Variants in AKT3 observed in about 807,000 individuals in gnomAD.
AKT3 encodes RAC-gamma serine/threonine-protein kinase.
Under a neutral mutation model 65.3 loss-of-function variants are expected in AKT3, and 15 were observed. That is an observed-to-expected ratio of 0.23 (90% CI 0.15 to 0.35). The LOEUF is 0.35. Among genes scored for constraint, AKT3 ranks in the 10% least tolerant of loss-of-function variants. The probability of loss-of-function intolerance (pLI) is 1.00; values close to 1 mark genes in which losing one functional copy is unlikely to be tolerated. For synonymous variants in AKT3, 206 were observed against 183.8 expected (o/e 1.12, Z -0.98); for missense variants, 243 against 576.5 (o/e 0.42, Z 5.92).
chr1:243,632,368 A>G lies in AKT3; in HGVS notation c.561+5243T>C, dbSNP rs147922713. Among the ~76,000 whole-genome samples, 305 of 152,330 alleles carry G rather than the reference A, an allele frequency of 2.0e-3. 4 individuals are homozygous for G. The East Asian group carries it at 0.031, about 15-fold the overall frequency. On this transcript the variant is annotated intron_variant, in intron 6 of 13. Coordinates refer to ENST00000673466, the MANE Select transcript of AKT3 (RefSeq NM_005465.7). ...CTTTTGTATATCTGGTGCATTGTCAATGAGCAGTAATATTTAAAAAGTAAT... is the reference window on the plus strand; with the variant it reads ...CTTTTGTATATCTGGTGCATTGTCAGTGAGCAGTAATATTTAAAAAGTAAT...
At chr1:243,826,125 T>A (rs1694151346) in intron 2 of AKT3, among the ~76,000 whole-genome samples, 1 of 151,198 alleles carries the variant, frequency 6.6e-6, no homozygotes, top group Non-Finnish European at 1.5e-5. Context: ...GAGTGAGACT[T>A]CATCTCAAAA....
chr1:243,844,194 C>G (rs1247775717), intron 1 of AKT3, among the ~76,000 whole-genome samples: 14 of 152,074 alleles, frequency 9.2e-5, no homozygotes. Flanking sequence ...TCTTTATAAC[C>G]TTATGAGGAT....
intron 2 of AKT3, among the ~76,000 whole-genome samples, chr1:243,760,669 C>T (rs1408139792): frequency 6.6e-6 from 1 of 152,106 alleles, no homozygotes. Flanking sequence ...TCCTTCAGCT[C>T]TCCTATTACA....
chr1:243,810,488 T>G (rs1268559185), intron 2 of AKT3, among the ~76,000 whole-genome samples: 1 of 152,112 alleles, frequency 6.6e-6, no homozygotes, highest in African/African-American at 2.4e-5. Context: ...AGAAGTTGAA[T>G]CTCTGAAAGG....
chr1:243,677,295 C>T (rs1295869258), intron 3 of AKT3, among the ~76,000 whole-genome samples: 2 of 152,082 alleles, frequency 1.3e-5, no homozygotes, highest in African/African-American at 4.8e-5. Context: ...TATTTGTATC[C>T]CATATGGTGG....
intron 2 of AKT3, among the ~76,000 whole-genome samples, chr1:243,809,375 C>G (rs1049525756): frequency 6.6e-6 from 1 of 151,998 alleles, no homozygotes; most frequent in African/African-American, 2.4e-5. Context: ...AAGGCAAGGG[C>G]TGCAATCCTA....
intron 2 of AKT3, among the ~76,000 whole-genome samples, chr1:243,738,973 A>G (rs934201497): frequency 2.6e-5 from 4 of 152,104 alleles, no homozygotes; most frequent in African/African-American, 9.7e-5. Context: ...TTCCTTCTTT[A>G]TAACGAATTC....
chr1:243,657,947 C>G (rs555453579), intron 4 of AKT3, among the ~76,000 whole-genome samples: 15 of 151,982 alleles, frequency 9.9e-5, no homozygotes, highest in Admixed American at 8.5e-4. Context: ...AAAAGTGGAG[C>G]CTTATTTTAC....
chr1:243,815,346 T>C (rs1010298416), intron 2 of AKT3, among the ~76,000 whole-genome samples: 1 of 152,088 alleles, frequency 6.6e-6, no homozygotes, highest in Non-Finnish European at 1.5e-5. Flanking sequence ...CATGACAGAG[T>C]TGCTAAACTT....
At chr1:243,493,841 A>G (rs1667172872) in intron 13 of AKT3, among the ~76,000 whole-genome samples, 1 of 151,930 alleles carries the variant, frequency 6.6e-6, no homozygotes, top group Non-Finnish European at 1.5e-5. Context: ...ACAGAGACAC[A>G]GAAGATGATG....
intron 4 of AKT3, among the ~76,000 whole-genome samples, chr1:243,657,067 T>C (rs868365919): frequency 1.3e-5 from 2 of 152,150 alleles, no homozygotes; most frequent in Non-Finnish European, 2.9e-5. Context: ...AAAGAATAAA[T>C]GTTTTGGGTT....
chr1:243,491,277 A>T (rs1666347990), intron 13 of AKT3, among the ~76,000 whole-genome samples: 1 of 152,190 alleles, frequency 6.6e-6, no homozygotes, highest in Non-Finnish European at 1.5e-5. Context: ...CATTAAAAAA[A>T]CCCCAAACCT....
intron 9 of AKT3, among the ~76,000 whole-genome samples, chr1:243,566,431 G>C (rs1674161036): frequency 6.6e-6 from 1 of 152,106 alleles, no homozygotes; most frequent in Non-Finnish European, 1.5e-5. Context: ...AAGACAGCTG[G>C]TTACCCTACT....
At chr1:243,676,392 A>G (rs1349691270) in intron 3 of AKT3, among the ~76,000 whole-genome samples, 2 of 152,172 alleles carry the variant, frequency 1.3e-5, no homozygotes, top group African/African-American at 2.4e-5. Flanking sequence ...AAGATCTTCA[A>G]TGAGTTGGTA....
At chr1:243,767,010 A>C (rs1428303590) in intron 2 of AKT3, among the ~76,000 whole-genome samples, 1 of 152,150 alleles carries the variant, frequency 6.6e-6, no homozygotes, top group African/African-American at 2.4e-5. Flanking sequence ...TACAACACTA[A>C]AGAGAAGTTC....
At position 243,501,855 on chromosome 1, in the gene AKT3, A is replaced by G. The variant is rs929645939; in HGVS notation, c.*3394T>C. The G allele has an allele frequency of 2.1e-5, 5 of 232,714 alleles. No homozygotes were observed. In the Admixed American group the frequency reaches 2.8e-4, roughly 13 times the overall value. The allele number at this position is 232,714 out of a possible 1,614,324, so 14.4% of individuals were successfully genotyped here. A position where few individuals can be genotyped will look rare whatever the true frequency, so the allele number is the denominator to read the frequency against. ...ATACGTGTAAAAATACTAAGGATGT[A>G]CAGTGTACAAAAACAGTTTCTCCTA... On this transcript the variant is annotated 3_prime_UTR_variant, in exon 14 of 14. Transcript: ENST00000673466.
At chr1:243,651,932 G>C (rs1012884765) in intron 4 of AKT3, among the ~76,000 whole-genome samples, 2 of 152,102 alleles carry the variant, frequency 1.3e-5, no homozygotes, top group Non-Finnish European at 2.9e-5. Context: ...CAGAGAGAAA[G>C]GTAGGGTTTC....
At chr1:243,729,939 A>G (rs186256170) in intron 2 of AKT3, among the ~76,000 whole-genome samples, 1 of 152,294 alleles carries the variant, frequency 6.6e-6, no homozygotes, top group African/African-American at 2.4e-5. Context: ...AGCTTTAAAT[A>G]TTTGTGTATT....
Position 243,501,207 on chromosome 1 carries a change from A to T in AKT3, c.*4042T>A, listed in dbSNP as rs1051486828. ...TAGTAGCTTTATGAGGTAAAATCAG[A>T]AAAAGGCCCCATCCAGAATGATTCA... On this transcript the variant is annotated 3_prime_UTR_variant, in exon 14 of 14. Coordinates refer to ENST00000673466, the MANE Select transcript of AKT3 (RefSeq NM_005465.7). The T allele has an allele frequency of 4.3e-6, 1 of 231,262 alleles. No homozygotes were observed. Among genetic ancestry groups the T allele is most frequent in the Non-Finnish European group, 8.6e-6 (1 of 116,876 alleles). 14.3% of individuals were successfully genotyped at this position (231,262 alleles called of 1,614,324 possible).
Sources: gnomAD v4.1 joint callset for allele counts (sites outside exome capture counted in the v4.1 genomes callset) on GRCh38, gnomAD v4.1.1 for gene constraint, MANE v1.5 for transcripts, NCBI Gene and HGNC (gene_info 2026-07-23, HGNC 2026-07-21) for gene names.